PEG3: variants seen among roughly 807,000 people sequenced by gnomAD.
PEG3 encodes the protein paternally expressed 3.
A neutral mutation model predicts 35.5 loss-of-function variants in PEG3; 23 were observed. The observed-to-expected ratio is 0.65, with a 90% CI of 0.47 to 0.92. The LOEUF (loss-of-function observed/expected upper bound fraction) is 0.92. Among genes scored for constraint, PEG3 ranks in the 40% least tolerant of loss-of-function variants. The pLI is 0.00. For synonymous variants in PEG3, 707 were observed against 697.0 expected (o/e 1.01, Z -0.23); for missense variants, 1,960 against 1,985.3 (o/e 0.99, Z 0.24).
chr19:56,833,237 TGG>T, intron 2 of PEG3: 1 of 495,434 alleles, frequency 2.0e-6, no homozygotes, highest in South Asian at 1.5e-5. Context: ...TTACTTACTT[TGG>T]TCCCTCACCA....
In PEG3 at chr19:56,812,382, C is replaced by T. The variant is rs1210693049; in HGVS notation, c.*1293G>A. 5.1e-6 allele frequency: 5 copies of T among 984,456 alleles called. No homozygotes were observed. In the African/African-American group the frequency reaches 7.0e-5, roughly 14 times the overall value. The allele number at this position is 984,456 out of a possible 1,614,324, so 61.0% of individuals were successfully genotyped here. A position where few individuals can be genotyped will look rare whatever the true frequency, so the allele number is the denominator to read the frequency against. On this transcript the variant is annotated 3_prime_UTR_variant, in exon 10 of 10. Coordinates refer to ENST00000326441, the MANE Select transcript of PEG3 (RefSeq NM_006210.3). The stretch of plus-strand genomic sequence containing the variant: ...AAAACAAATTAAGGCTGCTGGGGAA[C>T]CTGAGTCCATGTTAAGCTTGGGTTG...
intron 1 of PEG3, among the ~76,000 whole-genome samples, chr19:56,836,839 G>A (rs972048981): frequency 1.3e-5 from 2 of 151,922 alleles, no homozygotes; most frequent in East Asian, 1.9e-4. Context: ...ATGGTGGCGC[G>A]CGCCTGTATT....
intron 2 of PEG3, chr19:56,833,147 A>G (rs1224933091): frequency 1.9e-6 from 1 of 517,170 alleles, no homozygotes; most frequent in Admixed American, 1.9e-5. Context: ...AAATCCTGTG[A>G]CTCCGGTTTG....
chr19:56,818,570 T>A, intron 8 of PEG3, 30 bp downstream of exon 8: 1 of 1,612,376 alleles, frequency 6.2e-7, no homozygotes, highest in Non-Finnish European at 8.5e-7. Context: ...ATGACTGGAC[T>A]GGGAGTGACT....
chr19:56,817,848 A>G lies in PEG3; in HGVS notation c.773-13T>C. On this transcript the variant is annotated splice_polypyrimidine_tract_variant and intron_variant, in intron 8 of 9. Coordinates refer to ENST00000326441, the MANE Select transcript of PEG3 (RefSeq NM_006210.3). ...TCAGCAAGCTGCACTCCTGGTCACA[A>G]GGACAATATGATGCCTCAAATTCAA... 1 of 1,610,568 alleles carries G rather than the reference A, an allele frequency of 6.2e-7. No homozygotes were observed. The highest frequency in any genetic ancestry group is 8.5e-7 in the Non-Finnish European group (1 of 1,177,222).
chr19:56,824,208 C>A lies in PEG3; in HGVS notation c.394+54G>T, dbSNP rs959846892. On this transcript the variant is annotated intron_variant, in intron 4 of 9. Coordinates refer to ENST00000326441, the MANE Select transcript of PEG3 (RefSeq NM_006210.3). Reference sequence around the variant, plus strand: ...GTCAGAAGTGTGGAGGCTGAGAGCCCCAGGGGACACCTGAGGCCTGCACTG... The same window carrying A: ...GTCAGAAGTGTGGAGGCTGAGAGCCACAGGGGACACCTGAGGCCTGCACTG... 3.8e-6 allele frequency: 6 copies of A among 1,580,388 alleles called. No individual in the cohort carries two copies. In the African/African-American group the frequency reaches 8.1e-5, roughly 21 times the overall value.
intron 7 of PEG3, among the ~76,000 whole-genome samples, chr19:56,821,404 C>T (rs143475095): frequency 7.0e-4 from 106 of 152,280 alleles, no homozygotes; most frequent in Non-Finnish European, 1.1e-3. Context: ...ATGTGACCAA[C>T]CTACCAAGTG....
At chr19:56,837,703 G>A (rs548543568) in intron 1 of PEG3, among the ~76,000 whole-genome samples, 241 of 152,330 alleles carry the variant, frequency 1.6e-3, no homozygotes, top group Non-Finnish European at 2.4e-3. Flanking sequence ...CCCATGAACC[G>A]GCAAAGATGG....
chr19:56,822,699 T>C (rs770211012), intron 6 of PEG3, 54 bp downstream of exon 6: 2 of 1,603,096 alleles, frequency 1.2e-6, no homozygotes, highest in Admixed American at 3.4e-5. Context: ...CTTGAACCTG[T>C]GCACAGCACA....
intron 2 of PEG3, among the ~76,000 whole-genome samples, chr19:56,828,217 A>G (rs2061245816): frequency 6.6e-6 from 1 of 152,126 alleles, no homozygotes; most frequent in Admixed American, 6.6e-5. Flanking sequence ...ATCCATAGTC[A>G]TACCCTAACC....
chr19:56,828,658 A>G (rs1283498959), intron 2 of PEG3, among the ~76,000 whole-genome samples: 1 of 152,204 alleles, frequency 6.6e-6, no homozygotes, highest in Admixed American at 6.5e-5. Context: ...GGGGAAAAGT[A>G]TTTTATAACA....
rs368693431 is a variant in PEG3, at chr19:56,815,374, T to C, written c.3068A>G (p.Gln1023Arg). The C allele has an allele frequency of 6.2e-7, 1 of 1,614,250 alleles. No homozygotes were observed. Among genetic ancestry groups the C allele is most frequent in the Non-Finnish European group, 8.5e-7 (1 of 1,180,046 alleles). Residue 1023 changes from glutamine (Q) to arginine (R), a missense_variant, in exon 10 of 10, where the codon CAG becomes CGG. Physicochemically the swap from Gln to Arg is conservative, Grantham distance 43 (BLOSUM62 1). Around this residue, in one of 5 missense-constraint regions of PEG3, gnomAD observed 798 missense variants for 782.4 expected, o/e 1.02. Transcript: ENST00000326441. ...TDPQTSYAQEQYAKEQARNKC... is the reference protein window; with the variant it reads ...TDPQTSYAQERYAKEQARNKC... ...GTTCCGCGCTTGCTCTTTAGCATAC[T>C]GCTCTTGGGCGTAACTTGTTTGAGG... is the stretch of plus-strand genomic sequence containing the variant.
At chr19:56,821,486 G>A (rs750130978) in intron 7 of PEG3, among the ~76,000 whole-genome samples, 165 bp downstream of exon 7, 46 of 152,296 alleles carry the variant, frequency 3.0e-4, no homozygotes, top group Middle Eastern at 3.4e-3. Context: ...AGCAACCTGG[G>A]CTACTTGTCA....
At chr19:56,835,583 A>T (rs1392786739) in intron 2 of PEG3, among the ~76,000 whole-genome samples, 1 of 152,250 alleles carries the variant, frequency 6.6e-6, no homozygotes, top group African/African-American at 2.4e-5. Context: ...CTCTTGCAAA[A>T]GTATAAATCA....
intron 7 of PEG3, 27 bp downstream of exon 7, chr19:56,821,624 C>G: frequency 6.2e-7 from 1 of 1,611,834 alleles, no homozygotes; most frequent in African/African-American, 1.3e-5. Flanking sequence ...GATGGCCTTT[C>G]TAGAAAGAGA....
chr19:56,835,490 C>T (rs2062000402), intron 2 of PEG3, among the ~76,000 whole-genome samples: 1 of 152,192 alleles, frequency 6.6e-6, no homozygotes, highest in Non-Finnish European at 1.5e-5. Context: ...TCCTTCAGGG[C>T]TCAGCTTTAA....
rs779244604 is a variant in PEG3 at position 56,813,849 on chromosome 19, G to T, written c.4593C>A (p.Ile1531=). The T allele has an allele frequency of 6.2e-7, 1 of 1,614,060 alleles. No homozygotes were observed. The highest frequency in any genetic ancestry group is 1.3e-5 in the African/African-American group (1 of 74,932). Reference sequence around the variant, plus strand: ...CAAAGGCATTTGCAGGCTCAAATATGATCATGCTGGCATGAGTTTTCAGGT... The same window carrying T: ...CAAAGGCATTTGCAGGCTCAAATATTATCATGCTGGCATGAGTTTTCAGGT... The part of the protein sequence containing the change: ...SEHLKTHASM[I]IFEPANAFGE... Residue 1531 remains isoleucine (I), a synonymous_variant, in exon 10 of 10, where the codon ATC becomes ATA. Transcript: ENST00000326441.
At chr19:56,835,193 C>G (rs965158139) in intron 2 of PEG3, among the ~76,000 whole-genome samples, 1 of 152,194 alleles carries the variant, frequency 6.6e-6, no homozygotes, top group Non-Finnish European at 1.5e-5. Flanking sequence ...CTTCTGCACC[C>G]TGAAACCAGA....
intron 7 of PEG3, among the ~76,000 whole-genome samples, chr19:56,820,198 G>C (rs9973276): frequency 9.1e-4 from 139 of 152,282 alleles, no homozygotes; most frequent in Middle Eastern, 3.4e-3. Flanking sequence ...TGCTAGTATG[G>C]CTCAATGTAG....
Sources: allele counts gnomAD v4.1 joint callset (sites outside exome capture counted in the v4.1 genomes callset), GRCh38; gene constraint gnomAD v4.1.1; regional missense constraint gnomAD v4.1.1; transcripts MANE v1.5; gene names NCBI Gene and HGNC (gene_info 2026-07-23, HGNC 2026-07-21).